The following ELMO1 variants were observed in gnomAD, a reference collection of about 807,000 sequenced individuals.
ELMO1 encodes engulfment and cell motility 1, also known as engulfment and cell motility protein 1.
In ELMO1, 26 loss-of-function variants were observed where a neutral mutation model predicts 98.9. That is an observed-to-expected ratio of 0.26 (90% CI 0.19 to 0.36). ELMO1 has a LOEUF of 0.36. Among genes scored for constraint, ELMO1 ranks in the 10% least tolerant of loss-of-function variants. The pLI is 1.00. For missense variants in ELMO1, 627 were observed against 935.2 expected, an observed-to-expected ratio of 0.67 and a Z score of 4.30; for synonymous variants, 346 against 346.0, an observed-to-expected ratio of 1.00 and a Z score of 0.00.
chr7:37,099,769 G>A (rs1369266715), intron 14 of ELMO1, among the ~76,000 whole-genome samples: 1 of 151,720 alleles, frequency 6.6e-6, no homozygotes, highest in Non-Finnish European at 1.5e-5. Flanking sequence ...TAAGAATGCT[G>A]AAACAAAAGG....
intron 13 of ELMO1, among the ~76,000 whole-genome samples, chr7:37,144,248 TTC>T (rs150352368): frequency 5.0e-4 from 75 of 148,608 alleles, no homozygotes; most frequent in Non-Finnish European, 5.1e-4. Context: ...TATGTTCTCA[TTC>T]TCTCTCTCTC....
At chr7:36,988,770 G>A (rs1235444461) in intron 16 of ELMO1, among the ~76,000 whole-genome samples, 2 of 152,176 alleles carry the variant, frequency 1.3e-5, no homozygotes, top group Non-Finnish European at 2.9e-5. Flanking sequence ...AAATGTGAAT[G>A]GATCACAGTG....
chr7:37,024,814 T>C (rs1794476472), intron 15 of ELMO1, among the ~76,000 whole-genome samples: 2 of 152,154 alleles, frequency 1.3e-5, no homozygotes, highest in African/African-American at 4.8e-5. Flanking sequence ...GATTTTTTTT[T>C]CAAAAAAGTC....
chr7:37,007,655 T>C (rs1477805081), intron 16 of ELMO1, among the ~76,000 whole-genome samples: 2 of 152,228 alleles, frequency 1.3e-5, no homozygotes, highest in African/African-American at 4.8e-5. Flanking sequence ...GTCAGTAAGC[T>C]GCAAACAGTT....
At chr7:36,901,276 G>A (rs1020508835) in intron 16 of ELMO1, among the ~76,000 whole-genome samples, 1 of 152,190 alleles carries the variant, frequency 6.6e-6, no homozygotes, top group African/African-American at 2.4e-5. Context: ...TAAAATGAAG[G>A]AGAGAGAAAA....
At position 37,314,833 on chromosome 7, in the gene ELMO1, T is replaced by C. The variant is rs1460944229; in HGVS notation, c.192+17A>G. 1 of 1,606,666 alleles carries C rather than the reference T, an allele frequency of 6.2e-7. No homozygotes were observed. Among genetic ancestry groups the C allele is most frequent in the Non-Finnish European group, 8.5e-7 (1 of 1,174,906 alleles). On this transcript the variant is annotated intron_variant, in intron 4 of 21. Transcript: ENST00000310758. Reference sequence around the variant, plus strand: ...CCTTCAATATGTATCCCATATTAAATAATGTAGTTGACCTACCTTTTCTGT... The same window carrying C: ...CCTTCAATATGTATCCCATATTAAACAATGTAGTTGACCTACCTTTTCTGT...
rs1474921120 is a variant in ELMO1 at position 36,853,066 on chromosome 7, T to C, written c.*2485A>G. 2.0e-5 allele frequency among the ~76,000 whole-genome samples: 3 copies of C among 152,114 alleles called. No individual in the cohort carries two copies. Among genetic ancestry groups the C allele is most frequent in the African/African-American group, 4.8e-5 (2 of 41,406 alleles). On this transcript the variant is annotated 3_prime_UTR_variant, in exon 22 of 22. Transcript: ENST00000310758. ...GCAACAGGAGATGAGTTGGAGGTGG[T>C]AGGCTCATTGCATGGGAAAAAAAGC...
intron 15 of ELMO1, among the ~76,000 whole-genome samples, chr7:37,048,722 T>C (rs1044012505): frequency 6.6e-6 from 1 of 152,246 alleles, no homozygotes; most frequent in Non-Finnish European, 1.5e-5. Flanking sequence ...AGTGATTCCT[T>C]TAACATTTTC....
chr7:37,237,165 T>C (rs1160495442), intron 7 of ELMO1, among the ~76,000 whole-genome samples: 2 of 152,212 alleles, frequency 1.3e-5, no homozygotes, highest in African/African-American at 4.8e-5. Context: ...GTAGACACCA[T>C]CTTCATTCCA....
chr7:36,914,184 G>A (rs757959161), intron 16 of ELMO1, among the ~76,000 whole-genome samples: 1 of 152,148 alleles, frequency 6.6e-6, no homozygotes, highest in African/African-American at 2.4e-5. Context: ...CATGAATCCT[G>A]CCTCCTTGAT....
chr7:36,931,236 G>A (rs1180375525), intron 16 of ELMO1, among the ~76,000 whole-genome samples: 3 of 152,204 alleles, frequency 2.0e-5, no homozygotes, highest in South Asian at 4.1e-4. Flanking sequence ...TGCTTAAGAC[G>A]TAATGGATGC....
intron 14 of ELMO1, among the ~76,000 whole-genome samples, chr7:37,115,689 C>A (rs1785542721): frequency 6.6e-6 from 1 of 151,452 alleles, no homozygotes; most frequent in African/African-American, 2.4e-5. Context: ...AGGATCAAGG[C>A]TAAGATGGTC....
At chr7:37,250,791 C>CAAAAAAAAAAAAAAAAAA (rs574487076) in intron 6 of ELMO1, among the ~76,000 whole-genome samples, 1 of 64,836 alleles carries the variant, frequency 1.5e-5, no homozygotes, top group African/African-American at 5.4e-5. Context: ...GACTCCGTCT[C>CAAAAAAAAAAAAAAAAAA]AAAAAAAAAA....
At chr7:37,125,092 G>A (rs1298274415) in intron 14 of ELMO1, among the ~76,000 whole-genome samples, 1 of 152,012 alleles carries the variant, frequency 6.6e-6, no homozygotes, top group Non-Finnish European at 1.5e-5. Flanking sequence ...TATGTAGAAA[G>A]CTGAAACTGG....
intron 13 of ELMO1, among the ~76,000 whole-genome samples, chr7:37,157,392 G>T (rs1395927392): frequency 6.6e-6 from 1 of 152,148 alleles, no homozygotes; most frequent in Non-Finnish European, 1.5e-5. Flanking sequence ...GCTTGCAGAT[G>T]ACATGATTGT....
intron 17 of ELMO1, among the ~76,000 whole-genome samples, chr7:36,890,517 T>C (rs1277415721): frequency 6.6e-6 from 1 of 152,202 alleles, no homozygotes; most frequent in Non-Finnish European, 1.5e-5. Flanking sequence ...GTCCTTTAGT[T>C]GTTAAGGCCC....
chr7:37,340,383 G>T (rs925883561), intron 2 of ELMO1, among the ~76,000 whole-genome samples: 1 of 152,128 alleles, frequency 6.6e-6, no homozygotes, highest in African/African-American at 2.4e-5. Flanking sequence ...CAATTTTTGT[G>T]TGTTTAAAAT....
intron 13 of ELMO1, among the ~76,000 whole-genome samples, chr7:37,174,440 AGCCGACGCAGGCATTGT>A: frequency 6.6e-6 from 1 of 152,246 alleles, no homozygotes; most frequent in East Asian, 1.9e-4. Context: ...ATTTCTAAAC[AGCCGACGCAGGCATTGT>A]GCCTAAAGAG....
intron 1 of ELMO1, among the ~76,000 whole-genome samples, chr7:37,356,620 TG>T (rs1482069626): frequency 6.6e-6 from 1 of 151,710 alleles, no homozygotes; most frequent in Non-Finnish European, 1.5e-5. Flanking sequence ...GGGGCCCGTG[TG>T]ATAGGGGAGG....
Sources: allele counts gnomAD v4.1 joint callset (sites outside exome capture counted in the v4.1 genomes callset), GRCh38; gene constraint gnomAD v4.1.1; transcripts MANE v1.5; gene names NCBI Gene and HGNC (gene_info 2026-07-23, HGNC 2026-07-21).